POLR3E: variants seen among roughly 807,000 people sequenced by gnomAD.
POLR3E encodes DNA-directed RNA polymerase III subunit RPC5.
A neutral mutation model predicts 96.6 loss-of-function variants in POLR3E; 41 were observed. That is an observed-to-expected ratio of 0.42 (90% CI 0.33 to 0.55). POLR3E has a LOEUF of 0.55. POLR3E is among the 20% of genes least tolerant of loss of function. The pLI, the probability that POLR3E is intolerant of heterozygous loss-of-function variation, is 0.06. For missense variants in POLR3E, 849 were observed against 952.1 expected (o/e 0.89, Z 1.43); for synonymous variants, 396 against 383.6 (o/e 1.03, Z -0.38).
intron 4 of POLR3E, chr16:22,308,534 C>T: frequency 4.2e-6 from 2 of 475,558 alleles, no homozygotes; most frequent in South Asian, 4.8e-5. Context: ...AGCGCCTATC[C>T]ATGGAGGGTC....
rs374163575 is a variant in POLR3E at position 22,333,869 on chromosome 16, C to A, written c.*169C>A. Reference sequence around the variant, plus strand: ...ACAGAAGGGATTATCCTCAGCCAGTCGCAGGGTCAGCTTAAGTTAGTTAGA... The same window carrying A: ...ACAGAAGGGATTATCCTCAGCCAGTAGCAGGGTCAGCTTAAGTTAGTTAGA... On this transcript the variant is annotated 3_prime_UTR_variant, in exon 21 of 21. Transcript: ENST00000299853. 2 of 572,120 alleles carry A rather than the reference C, an allele frequency of 3.5e-6. No homozygotes were observed. Among genetic ancestry groups the A allele is most frequent in the Middle Eastern group, 4.4e-4 (1 of 2,282 alleles). 35.4% of individuals were successfully genotyped at this position (572,120 alleles called of 1,614,324 possible).
At chr16:22,320,365 G>A (rs569264996) in intron 13 of POLR3E, among the ~76,000 whole-genome samples, 98 of 152,080 alleles carry the variant, frequency 6.4e-4, no homozygotes, top group Non-Finnish European at 1.2e-3. Flanking sequence ...GGGTTTAAGC[G>A]ATTCTCCTGC....
intron 1 of POLR3E, among the ~76,000 whole-genome samples, chr16:22,299,992 G>A (rs368246038): frequency 2.6e-5 from 4 of 152,158 alleles, no homozygotes; most frequent in East Asian, 1.9e-4. Flanking sequence ...TGGGATTACC[G>A]GCATGAGCCA....
intron 6 of POLR3E, among the ~76,000 whole-genome samples, chr16:22,312,169 C>G (rs1409321861): frequency 6.6e-6 from 1 of 152,098 alleles, no homozygotes; most frequent in African/African-American, 2.4e-5. Context: ...ATTGGTTGTG[C>G]TGGCTGCACA....
chr16:22,328,043 C>T (rs1436637542), intron 18 of POLR3E: 2 of 163,448 alleles, frequency 1.2e-5, no homozygotes, highest in Admixed American at 1.2e-4. Context: ...CTCTAACCCA[C>T]ACTGACATGG....
intron 3 of POLR3E, among the ~76,000 whole-genome samples, chr16:22,307,411 A>G (rs1442450501): frequency 2.0e-5 from 3 of 151,984 alleles, no homozygotes; most frequent in African/African-American, 7.3e-5. Flanking sequence ...GCACTGCCAT[A>G]CCTCCACCAG....
At position 22,316,617 on chromosome 16, in the gene POLR3E, A is replaced by G. The variant is rs763071220; in HGVS notation, c.659A>G (p.His220Arg). Reference sequence around the variant, plus strand: ...CTCCAACAGGACAGTCGCTCTGAGCATGAGCGTCAGTACCTGCTGTGCCCC... The same window carrying G: ...CTCCAACAGGACAGTCGCTCTGAGCGTGAGCGTCAGTACCTGCTGTGCCCC... ...YYGLRDSRSEHERQYLLCPGS... is the reference protein window; with the variant it reads ...YYGLRDSRSERERQYLLCPGS... Residue 220 changes from histidine (H) to arginine (R), a missense_variant, in exon 10 of 21, where the codon CAT becomes CGT. Coordinates refer to ENST00000299853, the MANE Select transcript of POLR3E (RefSeq NM_018119.4). 3.1e-6 allele frequency: 5 copies of G among 1,613,858 alleles called. No homozygotes were observed. Among genetic ancestry groups the G allele is most frequent in the Non-Finnish European group, 4.2e-6 (5 of 1,179,768 alleles).
intron 1 of POLR3E, among the ~76,000 whole-genome samples, chr16:22,298,412 G>A (rs2047941748): frequency 6.6e-6 from 1 of 152,184 alleles, no homozygotes; most frequent in South Asian, 2.1e-4. Flanking sequence ...CTTCCCAGAG[G>A]TTACGTTTAT....
At chr16:22,302,817 G>A (rs2048053481) in intron 1 of POLR3E, 114 bp from the exon 2 acceptor site, 1 of 743,426 alleles carries the variant, frequency 1.3e-6, no homozygotes, top group Admixed American at 1.8e-5. Flanking sequence ...GTAGAAAGAA[G>A]GTCAGTTGGT....
At chr16:22,304,631 G>T (rs1349284579) in intron 2 of POLR3E, among the ~76,000 whole-genome samples, 1 of 151,996 alleles carries the variant, frequency 6.6e-6, no homozygotes, top group Non-Finnish European at 1.5e-5. Flanking sequence ...TATAGGAGGA[G>T]TTAGGAAGCA....
chr16:22,330,988 C>CTTTTT (rs56100056), intron 19 of POLR3E, among the ~76,000 whole-genome samples: 911 of 50,770 alleles, frequency 0.018, 357 homozygotes, highest in South Asian at 0.035. Context: ...ATGAAGCATC[C>CTTTTT]TTTTTTTTTT....
intron 19 of POLR3E, among the ~76,000 whole-genome samples, chr16:22,329,693 C>T (rs1429562657): frequency 6.6e-6 from 1 of 152,170 alleles, no homozygotes; most frequent in African/African-American, 2.4e-5. Context: ...AAACAAAAGT[C>T]ATAAATGCAG....
intron 1 of POLR3E, among the ~76,000 whole-genome samples, chr16:22,298,684 G>T (rs945981232): frequency 1.3e-5 from 2 of 152,186 alleles, no homozygotes; most frequent in Non-Finnish European, 2.9e-5. Context: ...GACATAGCGA[G>T]ACCCAAGTTT....
intron 19 of POLR3E, among the ~76,000 whole-genome samples, chr16:22,331,190 G>T (rs187797876): frequency 6.6e-6 from 1 of 152,014 alleles, no homozygotes; most frequent in Non-Finnish European, 1.5e-5. Context: ...CGTTGGACAG[G>T]CTGGTCTCGA....
chr16:22,318,192 C>T lies in POLR3E; in HGVS notation c.866-634C>T, dbSNP rs2048398857. 6.6e-6 allele frequency among the ~76,000 whole-genome samples: 1 copy of T among 152,058 alleles called. No homozygotes were observed. Among genetic ancestry groups the T allele is most frequent in the Non-Finnish European group, 1.5e-5 (1 of 68,016 alleles). On this transcript the variant is annotated intron_variant, in intron 12 of 20. Coordinates refer to ENST00000299853, the MANE Select transcript of POLR3E (RefSeq NM_018119.4). The surrounding 1 kb of genome is among the most constrained non-coding windows in gnomAD (Gnocchi z 5.0). The stretch of plus-strand genomic sequence containing the variant: ...CACTGCAACCTCCGCCTCCCGGGTT[C>T]AAGCAATTCTCATGCCTCAGCCTCT...
chr16:22,302,507 G>A (rs1464113124), intron 1 of POLR3E: 1 of 171,692 alleles, frequency 5.8e-6, no homozygotes, highest in Non-Finnish European at 1.2e-5. Flanking sequence ...GCTTTGGACT[G>A]TCTGTCTTCC....
At position 22,325,952 on chromosome 16, in the gene POLR3E, G is replaced by A. The variant is rs1227940874; in HGVS notation, c.1540G>A (p.Ala514Thr). The part of the protein sequence containing the change: ...EEGEEDEEQE[A>T]EEEPMDTSPS... The stretch of plus-strand genomic sequence containing the variant: ...GGGCGAGGAGGACGAGGAGCAGGAG[G>A]CGGAGGAGGAGCCCATGGACACTTC... Residue 514 changes from alanine to threonine, a missense_variant, in exon 18 of 21, where the codon GCG (alanine) becomes ACG (threonine). Ala to Thr is a moderately conservative substitution (Grantham distance 58, BLOSUM62 0). Coordinates refer to ENST00000299853, the MANE Select transcript of POLR3E (RefSeq NM_018119.4). The A allele has an allele frequency of 2.5e-6, 4 of 1,592,082 alleles. No individual in the cohort carries two copies. The highest frequency in any genetic ancestry group is 1.7e-4 in the Middle Eastern group (1 of 5,944).
At chr16:22,315,410 C>T (rs1019195574) in intron 9 of POLR3E, among the ~76,000 whole-genome samples, 5 of 152,316 alleles carry the variant, frequency 3.3e-5, no homozygotes, top group South Asian at 2.1e-4. Context: ...GGAAAAGATG[C>T]GAGTCCTTGG....
At position 22,313,802 on chromosome 16, in the gene POLR3E, A is replaced by C; in HGVS notation, c.472+75A>C. 1.0e-6 allele frequency: 1 copy of C among 1,004,390 alleles called. No individual in the cohort carries two copies. The highest frequency in any genetic ancestry group is 1.5e-6 in the Non-Finnish European group (1 of 645,508). 62.2% of individuals were successfully genotyped at this position (1,004,390 alleles called of 1,614,324 possible). Reference sequence around the variant, plus strand: ...GGATGGCTTGGTCCTGGGAAGAGGGATGGGATGATAGGATGTTTAGCAGGA... The same window carrying C: ...GGATGGCTTGGTCCTGGGAAGAGGGCTGGGATGATAGGATGTTTAGCAGGA... On this transcript the variant is annotated intron_variant, in intron 7 of 20. Transcript: ENST00000299853. This position sits in a 1 kb window ranked among gnomAD's most constrained non-coding sequence, Gnocchi z 4.1.
Sources: allele counts gnomAD v4.1 joint callset (sites outside exome capture counted in the v4.1 genomes callset), GRCh38; gene constraint gnomAD v4.1.1; non-coding constraint Gnocchi (gnomAD v3.1); transcripts MANE v1.5; gene names NCBI Gene and HGNC (gene_info 2026-07-23, HGNC 2026-07-21).